The following QDPR variants were observed in gnomAD, a reference collection of about 807,000 sequenced individuals.
QDPR encodes the protein quinoid dihydropteridine reductase.
In QDPR, 23 loss-of-function variants were observed where a neutral mutation model predicts 31.7. That is an observed-to-expected ratio of 0.73 (90% CI 0.52 to 1.03). The LOEUF is 1.03. Ranked by LOEUF, QDPR falls within the 50% of genes least tolerant of loss-of-function variation. The pLI is 0.00. For missense variants in QDPR, 324 were observed against 323.8 expected (o/e 1.00, Z 0.00); for synonymous variants, 124 against 124.7 (o/e 0.99, Z 0.03).
intron 4 of QDPR, among the ~76,000 whole-genome samples, chr4:17,496,967 G>C (rs1718383094): frequency 6.6e-6 from 1 of 152,156 alleles, no homozygotes; most frequent in African/African-American, 2.4e-5. Context: ...ATGTTGGCCA[G>C]GCTGGTCTCG....
intron 1 of QDPR, among the ~76,000 whole-genome samples, chr4:17,510,543 GAA>G (rs1718968226): frequency 6.6e-6 from 1 of 152,150 alleles, no homozygotes; most frequent in African/African-American, 2.4e-5. Context: ...CTGAAACAAT[GAA>G]AAGTCTCCAT....
At chr4:17,509,648 G>A (rs972140808) in intron 1 of QDPR, among the ~76,000 whole-genome samples, 5 of 152,134 alleles carry the variant, frequency 3.3e-5, no homozygotes, top group African/African-American at 1.2e-4. Context: ...GATCACTTGA[G>A]CTCAGTGAGC....
Position 17,511,993 on chromosome 4 carries a change from G to A in QDPR, c.62C>T (p.Ala21Val), listed in dbSNP as rs751786311. ...RRVLVYGGRGALGSRCVQAFR... is the reference protein window; with the variant it reads ...RRVLVYGGRGVLGSRCVQAFR... ...AGCCTGCACGCATCGAGAACCCAGA[G>A]CGCCCCTGCCGCCGTACACCAGCAC... is the stretch of plus-strand genomic sequence containing the variant. Residue 21 changes from alanine to valine, a missense_variant, in exon 1 of 7, where the codon GCT (alanine) becomes GTT (valine). By Grantham distance (64) the Ala-to-Val change is moderately conservative (BLOSUM62 0). Transcript: ENST00000281243. 1 of 1,610,442 alleles carries A rather than the reference G, an allele frequency of 6.2e-7. No individual in the cohort carries two copies. The highest frequency in any genetic ancestry group is 1.7e-5 in the Admixed American group (1 of 59,924).
rs753015043 is a variant in QDPR at position 17,486,990 on chromosome 4, T to A, written c.*141A>T. The A allele has an allele frequency of 2.7e-6, 2 of 729,022 alleles. No homozygotes were observed. Among genetic ancestry groups the A allele is most frequent in the Non-Finnish European group, 5.0e-6 (2 of 401,898 alleles). The allele number at this position is 729,022 out of a possible 1,614,324, so 45.2% of individuals were successfully genotyped here. ...TATTACACTGTCCTAGGAGAGCAAA[T>A]GCATATTATGTGAGAGAAAAATAGG... On this transcript the variant is annotated 3_prime_UTR_variant, in exon 7 of 7. Transcript: ENST00000281243.
chr4:17,508,922 G>A (rs1279242340), intron 2 of QDPR, among the ~76,000 whole-genome samples: 1 of 152,146 alleles, frequency 6.6e-6, no homozygotes, highest in Non-Finnish European at 1.5e-5. Flanking sequence ...ACTTTGGGAG[G>A]CTAAGGCGGG....
chr4:17,494,794 C>T (rs10022501), intron 4 of QDPR, among the ~76,000 whole-genome samples: 16,354 of 152,110 alleles, frequency 0.11, 1,779 homozygotes, highest in East Asian at 0.44. Context: ...GCAGCCCTAA[C>T]TCCTGTTTTT....
chr4:17,487,156 G>A lies in QDPR; in HGVS notation c.710C>T (p.Thr237Met), dbSNP rs760013086. The change falls in exon 7 of 7, where the codon ACG becomes ATG. Residue 237 changes from threonine to methionine, a missense_variant. Transcript: ENST00000281243. Reference sequence around the variant, plus strand: ...CTAAAAATATGCTGGGGTGAGTTCCGTCCTTCCTTCTGTGGTTACCACCTG... The same window carrying A: ...CTAAAAATATGCTGGGGTGAGTTCCATCCTTCCTTCTGTGGTTACCACCTG... ...LIQVVTTEGR[T>M]ELTPAYF 6.2e-6 allele frequency: 10 copies of A among 1,614,164 alleles called. No individual in the cohort carries two copies. In the Admixed American group the frequency reaches 8.3e-5, roughly 13 times the overall value.
chr4:17,500,847 G>T (rs1052173188), intron 4 of QDPR, among the ~76,000 whole-genome samples: 1 of 152,174 alleles, frequency 6.6e-6, no homozygotes, highest in Non-Finnish European at 1.5e-5. Context: ...CACAAACCCA[G>T]ACAAGTTACT....
At chr4:17,503,865 C>T (rs1308807681) in intron 3 of QDPR, among the ~76,000 whole-genome samples, 2 of 151,824 alleles carry the variant, frequency 1.3e-5, no homozygotes, top group African/African-American at 2.4e-5. Flanking sequence ...GCAGGAGAAT[C>T]GCTTGAACCT....
intron 4 of QDPR, among the ~76,000 whole-genome samples, chr4:17,496,779 CAG>C (rs1342084826): frequency 2.0e-5 from 3 of 149,690 alleles, no homozygotes; most frequent in African/African-American, 7.5e-5. Context: ...TGTTTGGAGA[CAG>C]AGTCTCACTC....
At chr4:17,491,379 C>T (rs1013035717) in intron 5 of QDPR, among the ~76,000 whole-genome samples, 2 of 152,170 alleles carry the variant, frequency 1.3e-5, no homozygotes, top group African/African-American at 4.8e-5. Context: ...GTCTCAGCAT[C>T]CCTTTATAGG....
In QDPR at chr4:17,490,659, C is replaced by A; in HGVS notation, c.629+3G>T. On this transcript the variant is annotated splice_donor_region_variant and intron_variant, in intron 6 of 6. Transcript: ENST00000281243. ...CAGTCATGGACATGTCTGTAATACT[C>A]ACTCAACTAGGAATTCTAAGGGTGT... 1 of 1,610,076 alleles carries A rather than the reference C, an allele frequency of 6.2e-7. No individual in the cohort carries two copies. The highest frequency in any genetic ancestry group is 1.1e-5 in the South Asian group (1 of 90,952).
chr4:17,498,222 G>A (rs1486512613), intron 4 of QDPR, among the ~76,000 whole-genome samples: 1 of 152,202 alleles, frequency 6.6e-6, no homozygotes, highest in Non-Finnish European at 1.5e-5. Context: ...CCAGCGGGAG[G>A]TGGGGGGATG....
intron 1 of QDPR, 64 bp downstream of exon 1, chr4:17,511,886 G>A (rs1266468082): frequency 1.3e-6 from 2 of 1,544,408 alleles, no homozygotes; most frequent in East Asian, 2.4e-5. Flanking sequence ...CCCCCCGCCG[G>A]GTTCCACACG....
chr4:17,488,976 G>A (rs1718065658), intron 6 of QDPR, among the ~76,000 whole-genome samples: 1 of 152,206 alleles, frequency 6.6e-6, no homozygotes, highest in African/African-American at 2.4e-5. Flanking sequence ...TTTGTGTGTT[G>A]GTTACACATG....
chr4:17,500,300 G>A (rs1011607544), intron 4 of QDPR, among the ~76,000 whole-genome samples: 1 of 152,120 alleles, frequency 6.6e-6, no homozygotes, highest in Admixed American at 6.5e-5. Flanking sequence ...GGTAGTTGAG[G>A]TAGACACTTT....
At chr4:17,500,284 A>G (rs1395207674) in intron 4 of QDPR, among the ~76,000 whole-genome samples, 3 of 152,124 alleles carry the variant, frequency 2.0e-5, no homozygotes, top group African/African-American at 7.2e-5. Flanking sequence ...AGAAGAGTTC[A>G]ACTTAGGTAG....
At chr4:17,496,328 C>G (rs960762671) in intron 4 of QDPR, among the ~76,000 whole-genome samples, 6 of 151,042 alleles carry the variant, frequency 4.0e-5, no homozygotes, top group African/African-American at 1.5e-4. Flanking sequence ...GCCTGTAATC[C>G]CAGCTGCTCC....
Position 17,490,676 on chromosome 4 carries a change from T to A in QDPR, c.615A>T (p.Leu205Phe). 1 of 1,613,588 alleles carries A rather than the reference T, an allele frequency of 6.2e-7. No homozygotes were observed. The highest frequency in any genetic ancestry group is 8.5e-7 in the Non-Finnish European group (1 of 1,179,516). Residue 205 changes from leucine to phenylalanine, a missense_variant, in exon 6 of 7, where the codon TTA becomes TTT. Coordinates refer to ENST00000281243, the MANE Select transcript of QDPR (RefSeq NM_000320.3). Reference protein sequence around the residue: ...PEADFSSWTPLEFLVETFHDW... With the variant: ...PEADFSSWTPFEFLVETFHDW... ...GTAATACTCACTCAACTAGGAATTC[T>A]AAGGGTGTCCAGGAGCTGAAGTCAG...
Sources: allele counts gnomAD v4.1 joint callset (sites outside exome capture counted in the v4.1 genomes callset), GRCh38; gene constraint gnomAD v4.1.1; transcripts MANE v1.5; gene names NCBI Gene and HGNC (gene_info 2026-07-23, HGNC 2026-07-21).